Variants in PRDM10 observed in about 807,000 individuals in gnomAD.
PRDM10 encodes PR domain zinc finger protein 10.
A neutral mutation model predicts 133.1 loss-of-function variants in PRDM10; 65 were observed. That is an observed-to-expected ratio of 0.49 (90% CI 0.40 to 0.60). The LOEUF (loss-of-function observed/expected upper bound fraction) is 0.60. PRDM10 is among the 20% of genes least tolerant of loss of function. The pLI, the probability that PRDM10 is intolerant of heterozygous loss-of-function variation, is 0.00. For missense variants in PRDM10, 1,137 were observed against 1,507.1 expected, an observed-to-expected ratio of 0.75 and a Z score of 4.07; for synonymous variants, 582 against 580.4, an observed-to-expected ratio of 1.00 and a Z score of -0.04.
intron 11 of PRDM10, 86 bp from the exon 12 acceptor site, chr11:129,925,315 T>A: frequency 1.6e-6 from 2 of 1,256,192 alleles, no homozygotes; most frequent in Non-Finnish European, 2.2e-6. Context: ...GAGAGGATGA[T>A]CTCTGCAATC....
chr11:129,918,798 A>G lies in PRDM10; in HGVS notation c.2035-80T>C. ...ACTGAAGGGATCATTTTAAAAATCA[A>G]TACAAATTAGCAGTCACCACAAGCC... On this transcript the variant is annotated intron_variant, in intron 13 of 20. Transcript: ENST00000360871. This position sits in a 1 kb window ranked among gnomAD's most constrained non-coding sequence, Gnocchi z 5.3. 5 of 1,368,874 alleles carry G rather than the reference A, an allele frequency of 3.7e-6. No homozygotes were observed. The highest frequency in any genetic ancestry group is 4.0e-6 in the Non-Finnish European group (4 of 992,918). 84.8% of individuals were successfully genotyped at this position (1,368,874 alleles called of 1,614,324 possible).
Position 129,914,960 on chromosome 11 carries a change from G to A in PRDM10, c.2585C>T (p.Thr862Ile). The change falls in exon 17 of 21, where the codon ACC becomes ATC. Residue 862 changes from threonine to isoleucine, a missense_variant. By Grantham distance (89) the Thr-to-Ile change is moderately conservative. This residue lies in a region of PRDM10 where 113 missense variants were observed against 143.7 expected (regional missense o/e 0.79). Transcript: ENST00000360871. ...KHPEFAQLSNTIHTPLTTAVI... is the reference protein window; with the variant it reads ...KHPEFAQLSNIIHTPLTTAVI... Reference sequence around the variant, plus strand: ...AGCTGTCGTCAGTGGTGTGTGTATGGTGTTGGAGAGCTGGGCGAACTCTGG... The same window carrying A: ...AGCTGTCGTCAGTGGTGTGTGTATGATGTTGGAGAGCTGGGCGAACTCTGG... 1.2e-6 allele frequency: 2 copies of A among 1,612,104 alleles called. No homozygotes were observed. Among genetic ancestry groups the A allele is most frequent in the Non-Finnish European group, 1.7e-6 (2 of 1,178,196 alleles).
intron 1 of PRDM10, among the ~76,000 whole-genome samples, chr11:129,974,775 G>A (rs1226259308): frequency 6.6e-6 from 1 of 152,184 alleles, no homozygotes; most frequent in African/African-American, 2.4e-5. Context: ...TGCCAACGGT[G>A]CCCATCCATT....
chr11:129,955,432 G>T (rs1951677887), intron 4 of PRDM10, 80 bp downstream of exon 4: 5 of 1,327,038 alleles, frequency 3.8e-6, no homozygotes, highest in South Asian at 1.2e-5. Context: ...CAGAGATGGT[G>T]CAGTGCAAAG....
intron 1 of PRDM10, among the ~76,000 whole-genome samples, chr11:129,963,884 A>G (rs752043651): frequency 8.5e-5 from 13 of 152,162 alleles, no homozygotes; most frequent in Non-Finnish European, 1.8e-4. Flanking sequence ...CTGGGATGCA[A>G]TCCGGTACTG....
chr11:129,960,953 T>A lies in PRDM10; in HGVS notation c.12A>T (p.Lys4Asn), dbSNP rs758093505. 6 of 1,614,172 alleles carry A rather than the reference T, an allele frequency of 3.7e-6. No individual in the cohort carries two copies. Among genetic ancestry groups the A allele is most frequent in the Non-Finnish European group, 5.1e-6 (6 of 1,180,028 alleles). MDS[K>N]DESSHVWPTS... ...TCGGCCACACATGCGAGCTTTCATC[T>A]TTGGAATCCATCTTCTCCCAACTGG... The change falls in exon 2 of 21, where the codon AAA becomes AAT. Residue 4 changes from lysine (K) to asparagine (N), a missense_variant. Lys to Asn is a moderately conservative substitution (Grantham distance 94, BLOSUM62 0). Around this residue, in one of 6 missense-constraint regions of PRDM10, gnomAD observed 635 missense variants for 835.2 expected, o/e 0.76. Transcript: ENST00000360871.
chr11:129,929,764 A>C (rs968579353), intron 11 of PRDM10, among the ~76,000 whole-genome samples: 4 of 152,028 alleles, frequency 2.6e-5, no homozygotes, highest in African/African-American at 9.7e-5. Context: ...TCCAAAAAAA[A>C]AAAAAAAATC....
At chr11:129,954,813 C>A (rs1243059145) in intron 4 of PRDM10, among the ~76,000 whole-genome samples, 1 of 152,126 alleles carries the variant, frequency 6.6e-6, no homozygotes, top group African/African-American at 2.4e-5. Flanking sequence ...GCTGGAACCA[C>A]AGGTGTGCAC....
chr11:129,973,592 GAAATA>G (rs1937620900), intron 1 of PRDM10, among the ~76,000 whole-genome samples: 1 of 152,098 alleles, frequency 6.6e-6, no homozygotes, highest in Admixed American at 6.5e-5. Context: ...AAATTACGCT[GAAATA>G]AAATAAAAAT....
chr11:129,921,328 T>C (rs1950517434), intron 13 of PRDM10, among the ~76,000 whole-genome samples: 1 of 152,106 alleles, frequency 6.6e-6, no homozygotes, highest in African/African-American at 2.4e-5. Flanking sequence ...GGTGAAGGAA[T>C]ATGACAGTTT....
At chr11:129,996,572 A>G (rs1348621283) in intron 1 of PRDM10, among the ~76,000 whole-genome samples, 2 of 152,160 alleles carry the variant, frequency 1.3e-5, no homozygotes, top group East Asian at 3.8e-4. Flanking sequence ...AACATTTACT[A>G]CCTGGTCCTT....
chr11:129,967,460 T>C (rs983354699), intron 1 of PRDM10, among the ~76,000 whole-genome samples: 1 of 152,182 alleles, frequency 6.6e-6, no homozygotes, highest in African/African-American at 2.4e-5. Context: ...TTTTCTTTCT[T>C]ACTAATGTGT....
chr11:129,931,229 T>C lies in PRDM10; in HGVS notation c.1317A>G (p.Gln439=), dbSNP rs2277032. The stretch of plus-strand genomic sequence containing the variant: ...GAGTGGCTGGTTCAGCCTCATCAAA[T>C]TGCTCCTTTGTGGGAAAATGTAGCA... ...QDLLHFPTKE[Q]FDEAEPATLN... The change falls in exon 11 of 21, where the codon CAA becomes CAG. Residue 439 remains glutamine, a synonymous_variant. Transcript: ENST00000360871. 120,385 of 1,613,658 alleles carry C rather than the reference T, an allele frequency of 0.075. 5,029 individuals carry two copies. The highest frequency in any genetic ancestry group is 0.14 in the Admixed American group (8,554 of 59,990).
At chr11:129,957,144 G>A (rs1951710842) in intron 3 of PRDM10, among the ~76,000 whole-genome samples, 1 of 152,178 alleles carries the variant, frequency 6.6e-6, no homozygotes, top group African/African-American at 2.4e-5. Flanking sequence ...TAATCTGTAT[G>A]TTTTCACAGA....
intron 12 of PRDM10, 91 bp downstream of exon 12, chr11:129,924,791 G>A: frequency 9.2e-7 from 1 of 1,083,944 alleles, no homozygotes; most frequent in African/African-American, 1.6e-5. Context: ...GGATGGAAAT[G>A]CAGGTGCTAG....
At chr11:129,976,584 G>A (rs913215314) in intron 1 of PRDM10, among the ~76,000 whole-genome samples, 2 of 152,212 alleles carry the variant, frequency 1.3e-5, no homozygotes, top group Non-Finnish European at 2.9e-5. Flanking sequence ...AGCAGCTGCT[G>A]ATGACCACAT....
At chr11:129,968,437 G>A (rs1182984170) in intron 1 of PRDM10, among the ~76,000 whole-genome samples, 5 of 152,216 alleles carry the variant, frequency 3.3e-5, no homozygotes, top group South Asian at 4.1e-4. Flanking sequence ...GGACAAAAAC[G>A]GAGGAGGGTG....
chr11:129,987,316 G>T (rs1036976425), intron 1 of PRDM10, among the ~76,000 whole-genome samples: 1 of 152,112 alleles, frequency 6.6e-6, no homozygotes, highest in Admixed American at 6.5e-5. Context: ...TTTCTATTAT[G>T]CTTATTTTTG....
rs1191624080 is a variant in PRDM10 at position 129,923,290 on chromosome 11, G to A, written c.1992C>T (p.Asp664=). 3.8e-6 allele frequency: 6 copies of A among 1,598,868 alleles called. No individual in the cohort carries two copies. Among genetic ancestry groups the A allele is most frequent in the Non-Finnish European group, 5.1e-6 (6 of 1,172,272 alleles). The change falls in exon 13 of 21, where the codon GAC becomes GAT. Residue 664 remains aspartate, a synonymous_variant. Coordinates refer to ENST00000360871, the MANE Select transcript of PRDM10 (RefSeq NM_199437.2). This position sits in a 1 kb window ranked among gnomAD's most constrained non-coding sequence, Gnocchi z 4.4. The part of the protein sequence containing the change: ...KLRLHMLRHS[D]RKDFLCSTCG... ...AGGTGGAACACAGGAAGTCTTTGCG[G>A]TCCGAATGCCGGAGCATGTGGAGTC...
Sources: allele counts gnomAD v4.1 joint callset (sites outside exome capture counted in the v4.1 genomes callset), GRCh38; gene constraint gnomAD v4.1.1; regional missense constraint gnomAD v4.1.1; non-coding constraint Gnocchi (gnomAD v3.1); transcripts MANE v1.5; gene names NCBI Gene and HGNC (gene_info 2026-07-23, HGNC 2026-07-21).